The following ULK4 variants were observed in gnomAD, a reference collection of about 807,000 sequenced individuals.
The protein encoded by ULK4 is inactive serine/threonine-protein kinase ULK4.
ULK4 carries 133 observed loss-of-function variants against 160.6 expected under a neutral mutation model. The ratio of observed to expected loss-of-function variants is 0.83; its 90% CI spans 0.72 to 0.96. The LOEUF (loss-of-function observed/expected upper bound fraction) is 0.96. ULK4 is among the 40% of genes least tolerant of loss of function. The probability of loss-of-function intolerance (pLI) is 0.00; values close to 1 mark genes in which losing one functional copy is unlikely to be tolerated. For synonymous variants in ULK4, 534 were observed against 539.8 expected, an observed-to-expected ratio of 0.99 and a Z score of 0.15; for missense variants, 1,580 against 1,499.5, an observed-to-expected ratio of 1.05 and a Z score of -0.89.
intron 35 of ULK4, among the ~76,000 whole-genome samples, chr3:41,274,661 C>T (rs774726964): frequency 3.3e-5 from 5 of 152,182 alleles, no homozygotes; most frequent in African/African-American, 9.7e-5. Flanking sequence ...CTAGAATACA[C>T]GGTTATGACT....
intron 32 of ULK4, among the ~76,000 whole-genome samples, chr3:41,550,286 C>T (rs1296367410): frequency 1.3e-5 from 2 of 152,016 alleles, no homozygotes; most frequent in Admixed American, 6.5e-5. Context: ...TAAGTCCTTA[C>T]CTATCAATAA....
chr3:41,810,414 C>G (rs184695526), intron 19 of ULK4, among the ~76,000 whole-genome samples: 2 of 152,240 alleles, frequency 1.3e-5, no homozygotes, highest in East Asian at 3.9e-4. Context: ...TTAAAACTTT[C>G]CAGGTGGGTG....
rs192606028 is a variant in ULK4, at chr3:41,267,019, G to T, written c.3679-17445C>A. 1.1e-4 allele frequency among the ~76,000 whole-genome samples: 7 copies of T among 63,766 alleles called. No individual in the cohort carries two copies. In the East Asian group the frequency reaches 2.2e-3, roughly 20 times the overall value. 41.8% of individuals were successfully genotyped at this position (63,766 alleles called of 152,430 possible). On this transcript the variant is annotated intron_variant, in intron 35 of 36. Transcript: ENST00000301831. The stretch of plus-strand genomic sequence containing the variant: ...GTGTGAGTAAATCTGTGTCTCTATT[G>T]GGGGGGGGGGGTTTAAGGCTTTTTT...
chr3:41,856,549 G>GTA (rs2042350136), intron 17 of ULK4, among the ~76,000 whole-genome samples: 3 of 57,970 alleles, frequency 5.2e-5, no homozygotes, highest in Admixed American at 4.5e-4. Flanking sequence ...ATATATATAT[G>GTA]TGTATATATA....
intron 2 of ULK4, among the ~76,000 whole-genome samples, chr3:41,945,018 T>G (rs544044956): frequency 2.0e-5 from 3 of 152,184 alleles, no homozygotes; most frequent in Admixed American, 1.3e-4. Flanking sequence ...AATTCCAGAA[T>G]TGATTATGGG....
intron 2 of ULK4, among the ~76,000 whole-genome samples, chr3:41,949,201 C>T (rs978253866): frequency 6.6e-6 from 1 of 151,714 alleles, no homozygotes; most frequent in African/African-American, 2.4e-5. Context: ...CGCAGCTACT[C>T]GGGAGGCTGA....
At chr3:41,305,254 C>CCCCACGGTCTCCCTCTCCCTCTT (rs1559514260) in intron 35 of ULK4, among the ~76,000 whole-genome samples, 1 of 151,348 alleles carries the variant, frequency 6.6e-6, no homozygotes, top group Non-Finnish European at 1.5e-5. Flanking sequence ...CTCTCCCTCT[C>CCCCACGGTCTCCCTCTCCCTCTT]TTTCCACAGT....
intron 34 of ULK4, among the ~76,000 whole-genome samples, chr3:41,433,824 G>A (rs369535298): frequency 2.6e-5 from 4 of 152,124 alleles, no homozygotes; most frequent in African/African-American, 4.8e-5. Context: ...GGTTCACGCC[G>A]TTCTCCTGCC....
At chr3:41,413,981 G>C (rs1382398959) in intron 34 of ULK4, among the ~76,000 whole-genome samples, 2 of 152,190 alleles carry the variant, frequency 1.3e-5, no homozygotes, top group Non-Finnish European at 2.9e-5. Flanking sequence ...GAGGCAGGCG[G>C]ATCACCTGAG....
intron 31 of ULK4, among the ~76,000 whole-genome samples, chr3:41,592,812 A>G (rs559541749): frequency 6.6e-6 from 1 of 152,302 alleles, no homozygotes; most frequent in African/African-American, 2.4e-5. Flanking sequence ...TATCTTATCT[A>G]TGCCTTGGGG....
At chr3:41,844,696 G>C (rs1205664253) in intron 17 of ULK4, among the ~76,000 whole-genome samples, 3 of 152,094 alleles carry the variant, frequency 2.0e-5, no homozygotes, top group Non-Finnish European at 4.4e-5. Flanking sequence ...GCGAGCGAGG[G>C]CTGTGAGGGC....
At chr3:41,564,833 G>A (rs1341601390) in intron 32 of ULK4, among the ~76,000 whole-genome samples, 3 of 152,064 alleles carry the variant, frequency 2.0e-5, no homozygotes, top group Admixed American at 2.0e-4. Flanking sequence ...GTAGTGTACA[G>A]GAACATCCTA....
At chr3:41,496,306 A>C (rs1025752945) in intron 32 of ULK4, among the ~76,000 whole-genome samples, 1 of 152,158 alleles carries the variant, frequency 6.6e-6, no homozygotes, top group African/African-American at 2.4e-5. Context: ...GTACCAAACT[A>C]GTCCTTCTAT....
intron 34 of ULK4, among the ~76,000 whole-genome samples, chr3:41,408,758 T>A (rs9853441): frequency 2.6e-5 from 4 of 151,960 alleles, no homozygotes; most frequent in African/African-American, 9.7e-5. Flanking sequence ...TGGCATAAGA[T>A]AGATCTAGAG....
intron 35 of ULK4, among the ~76,000 whole-genome samples, chr3:41,358,759 T>C (rs966477181): frequency 6.6e-6 from 1 of 151,862 alleles, no homozygotes; most frequent in Admixed American, 6.6e-5. Flanking sequence ...GAGAACTGGA[T>C]TTTACTCCGA....
chr3:41,394,837 T>C (rs956451688), intron 35 of ULK4, among the ~76,000 whole-genome samples: 17 of 152,036 alleles, frequency 1.1e-4, no homozygotes, highest in African/African-American at 3.9e-4. Flanking sequence ...CAGGGTAAAC[T>C]AGAAAGCTTT....
intron 12 of ULK4, among the ~76,000 whole-genome samples, chr3:41,901,168 G>GTTTTTTT (rs1698337236): frequency 2.6e-5 from 3 of 116,880 alleles, no homozygotes; most frequent in South Asian, 3.3e-4. Flanking sequence ...TAACAGCATG[G>GTTTTTTT]CTTCTTTTTT....
chr3:41,772,509 G>C (rs1481850542), intron 21 of ULK4, among the ~76,000 whole-genome samples: 1 of 152,090 alleles, frequency 6.6e-6, no homozygotes, highest in African/African-American at 2.4e-5. Context: ...ACCCTCCCAA[G>C]ACTAAACCAG....
At chr3:41,355,584 A>G (rs1470024758) in intron 35 of ULK4, among the ~76,000 whole-genome samples, 2 of 152,214 alleles carry the variant, frequency 1.3e-5, no homozygotes, top group Non-Finnish European at 2.9e-5. Context: ...AAGGTCTCAA[A>G]TCAAACTGTA....
Sources: gnomAD v4.1 joint callset for allele counts (sites outside exome capture counted in the v4.1 genomes callset) on GRCh38, gnomAD v4.1.1 for gene constraint, MANE v1.5 for transcripts, NCBI Gene and HGNC (gene_info 2026-07-23, HGNC 2026-07-21) for gene names.